CFAP74: variants seen among roughly 807,000 people sequenced by gnomAD.
CFAP74 encodes the protein cilia- and flagella-associated protein 74.
CFAP74 carries 124 observed loss-of-function variants against 188.9 expected under a neutral mutation model. The ratio of observed to expected loss-of-function variants is 0.66; its 90% CI spans 0.57 to 0.76. CFAP74 has a LOEUF of 0.76. Ranked by LOEUF, CFAP74 falls within the 30% of genes least tolerant of loss-of-function variation. The pLI is 0.00. For missense variants in CFAP74, 2,198 were observed against 2,165.2 expected (o/e 1.02, Z -0.30); for synonymous variants, 956 against 916.7 (o/e 1.04, Z -0.77).
chr1:1,992,204 G>A (rs1657626922), intron 1 of CFAP74, among the ~76,000 whole-genome samples: 1 of 152,096 alleles, frequency 6.6e-6, no homozygotes, highest in Non-Finnish European at 1.5e-5. Context: ...TCACTCTGTT[G>A]CCCAGGCTGG....
intron 18 of CFAP74, chr1:1,955,080 C>CAGCTCACACCGGAAGTGA (rs1654475490): frequency 1.3e-6 from 1 of 757,544 alleles, no homozygotes; most frequent in Non-Finnish European, 1.7e-6. Context: ...ACCGGAAGTG[C>CAGCTCACACCGGAAGTGA]GGCTCACACA....
At chr1:1,987,773 C>T (rs1570983178) in intron 4 of CFAP74, among the ~76,000 whole-genome samples, 1 of 152,290 alleles carries the variant, frequency 6.6e-6, no homozygotes, top group East Asian at 1.9e-4. Flanking sequence ...AACTCCTGAC[C>T]TCGTGATCCA....
intron 18 of CFAP74, among the ~76,000 whole-genome samples, chr1:1,952,950 A>G (rs1654294726): frequency 6.6e-6 from 1 of 152,116 alleles, no homozygotes; most frequent in Non-Finnish European, 1.5e-5. Flanking sequence ...GAGCTGCTGC[A>G]CCCAGCCTCA....
intron 22 of CFAP74, among the ~76,000 whole-genome samples, 174 bp from the exon 23 acceptor site, chr1:1,940,577 C>A (rs935920861): frequency 6.6e-6 from 1 of 152,242 alleles, no homozygotes; most frequent in Non-Finnish European, 1.5e-5. Flanking sequence ...CCCACGAGCA[C>A]GTGGCCCCTG....
At position 1,922,353 on chromosome 1, in the gene CFAP74, C is replaced by G. The variant is rs771081002; in HGVS notation, c.4854G>C (p.Gln1618His). ...AGGTCTCCTTCACATCCCCCCTTAGCTGCAGCAGGGCCGACACCATGAGTG... is the reference window on the plus strand; with the variant it reads ...AGGTCTCCTTCACATCCCCCCTTAGGTGCAGCAGGGCCGACACCATGAGTG... ...DHPLMVSALL[Q>H]LRGDVKETYK... The change falls in exon 39 of 39, where the codon CAG becomes CAC. Residue 1618 changes from glutamine to histidine, a missense_variant. Physicochemically the swap from Gln to His is conservative, Grantham distance 24 (BLOSUM62 0). Coordinates refer to ENST00000682832, the MANE Select transcript of CFAP74 (RefSeq NM_001304360.2). 17 of 1,601,564 alleles carry G rather than the reference C, an allele frequency of 1.1e-5. No individual in the cohort carries two copies. Among genetic ancestry groups the G allele is most frequent in the East Asian group, 4.5e-5 (2 of 44,840 alleles).
In CFAP74 at chr1:1,968,705, C is replaced by T; in HGVS notation, c.1175G>A (p.Arg392Lys). The change falls in exon 11 of 39, where the codon AGG (arginine) becomes AAG (lysine). Residue 392 changes from arginine to lysine, a missense_variant. By Grantham distance (26) the Arg-to-Lys change is conservative. Transcript: ENST00000682832. The surrounding 1 kb of genome is among the most constrained non-coding windows in gnomAD (Gnocchi z 4.3). ...PTSARHRLTL[R>K]DKTWNYISDF... ...AGAAATGTAGTTCCAGGTCTTGTCC[C>T]TCAGGGTCAGCCGGTGCCTGGCACT... The T allele has an allele frequency of 6.2e-7, 1 of 1,614,148 alleles. No individual in the cohort carries two copies. The highest frequency in any genetic ancestry group is 1.1e-5 in the South Asian group (1 of 91,076).
chr1:1,924,356 CGCAGCTCACCACCCACCCCCCA>C lies in CFAP74; in HGVS notation c.4234+13_4234+34del. The C allele has an allele frequency of 1.0e-4, 64 of 610,492 alleles. No homozygotes were observed. The highest frequency in any genetic ancestry group is 1.4e-4 in the Non-Finnish European group (61 of 424,912). The allele number at this position is 610,492 out of a possible 1,614,324, so 37.8% of individuals were successfully genotyped here. On this transcript the variant is annotated intron_variant, in intron 34 of 38. Coordinates refer to ENST00000682832, the MANE Select transcript of CFAP74 (RefSeq NM_001304360.2). Reference sequence around the variant, plus strand: ...ACTCCCCCAGCTCACCGCCCACCCCCGCAGCTCACCACCCACCCCCCACCCCCCGCTCACCGACCACCTCCGT... The same window carrying C: ...ACTCCCCCAGCTCACCGCCCACCCCCCCCCCCGCTCACCGACCACCTCCGT...
chr1:1,971,299 T>G (rs1021444134), intron 9 of CFAP74, among the ~76,000 whole-genome samples: 2 of 132,714 alleles, frequency 1.5e-5, no homozygotes, highest in Non-Finnish European at 3.2e-5. Context: ...ACATACACGC[T>G]CACACATGCA....
chr1:1,999,084 G>C (rs1658070695), intron 1 of CFAP74, among the ~76,000 whole-genome samples: 1 of 152,142 alleles, frequency 6.6e-6, no homozygotes. Context: ...AACTCGTCTG[G>C]TGAATTTTAA....
At chr1:1,985,231 C>T in intron 6 of CFAP74, 155 bp downstream of exon 6, 1 of 618,406 alleles carries the variant, frequency 1.6e-6, no homozygotes, top group East Asian at 2.7e-5. Context: ...ACTAACCCTT[C>T]CAACCACTGC....
intron 13 of CFAP74, 120 bp downstream of exon 13, chr1:1,964,768 C>T (rs1294539092): frequency 6.6e-6 from 7 of 1,064,012 alleles, no homozygotes; most frequent in African/African-American, 1.6e-5. Flanking sequence ...CCAGCCTGGG[C>T]GACAGAGTGA....
chr1:1,963,801 A>G lies in CFAP74; in HGVS notation c.1642T>C (p.Tyr548His). The change falls in exon 14 of 39, where the codon TAC becomes CAC. Residue 548 changes from tyrosine (Y) to histidine (H), a missense_variant. Coordinates refer to ENST00000682832, the MANE Select transcript of CFAP74 (RefSeq NM_001304360.2). ...TLVNTTYTINYCKLVGVEEHL... is the reference protein window; with the variant it reads ...TLVNTTYTINHCKLVGVEEHL... The stretch of plus-strand genomic sequence containing the variant: ...TCCTCCACGCCCACCAGCTTGCAGT[A>G]GTTGATCGTGTAGGTGGTGTTTACC... The G allele has an allele frequency of 6.2e-7, 1 of 1,613,996 alleles. No homozygotes were observed. The highest frequency in any genetic ancestry group is 8.5e-7 in the Non-Finnish European group (1 of 1,179,964).
chr1:1,941,817 C>T (rs1235059272), intron 22 of CFAP74, among the ~76,000 whole-genome samples: 1 of 152,198 alleles, frequency 6.6e-6, no homozygotes, highest in Admixed American at 6.5e-5. Flanking sequence ...AACTTCAACT[C>T]GGCTCACATC....
chr1:1,932,591 T>C (rs1043218892), intron 25 of CFAP74, among the ~76,000 whole-genome samples: 3 of 151,282 alleles, frequency 2.0e-5, no homozygotes, highest in Non-Finnish European at 4.4e-5. Context: ...TTTTTTTCTT[T>C]CTTTTTTTCT....
chr1:1,951,935 G>A (rs1437115124), intron 18 of CFAP74, among the ~76,000 whole-genome samples: 1 of 152,198 alleles, frequency 6.6e-6, no homozygotes, highest in African/African-American at 2.4e-5. Context: ...GGCTGAAAGA[G>A]CATCGGTGAG....
rs1370329467 is a variant in CFAP74, at chr1:1,923,810, A to C, written c.4354T>G (p.Phe1452Val). The C allele has an allele frequency of 1.2e-6, 2 of 1,613,518 alleles. No homozygotes were observed. The highest frequency in any genetic ancestry group is 1.7e-6 in the Non-Finnish European group (2 of 1,179,866). The stretch of plus-strand genomic sequence containing the variant: ...AGCACCACCTGGAGCTTGTCGGAGA[A>C]GTAGAGGCTTTCGTGGTCGGGGCTG... ...TFSPDHESLY[F>V]SDKLQVVLFE... Residue 1452 changes from phenylalanine (F) to valine (V), a missense_variant, in exon 35 of 39, where the codon TTC (phenylalanine) becomes GTC (valine). By Grantham distance (50) the Phe-to-Val change is conservative. Coordinates refer to ENST00000682832, the MANE Select transcript of CFAP74 (RefSeq NM_001304360.2). The surrounding 1 kb of genome is among the most constrained non-coding windows in gnomAD (Gnocchi z 6.3).
chr1:2,002,721 ATAT>A (rs917922545), intron 1 of CFAP74, among the ~76,000 whole-genome samples: 2 of 150,266 alleles, frequency 1.3e-5, no homozygotes, highest in African/African-American at 2.4e-5. Context: ...AGTTTAATAT[ATAT>A]TATTAAACTT....
chr1:1,924,381 C>G lies in CFAP74; in HGVS notation c.4234+10G>C. The G allele has an allele frequency of 1.5e-6, 1 of 684,720 alleles. No homozygotes were observed. The highest frequency in any genetic ancestry group is 1.7e-5 in the South Asian group (1 of 58,738). 42.4% of individuals were successfully genotyped at this position (684,720 alleles called of 1,614,324 possible). On this transcript the variant is annotated intron_variant, in intron 34 of 38. Coordinates refer to ENST00000682832, the MANE Select transcript of CFAP74 (RefSeq NM_001304360.2). ...CGCAGCTCACCACCCACCCCCCACCCCCCGCTCACCGACCACCTCCGTCCT... is the reference window on the plus strand; with the variant it reads ...CGCAGCTCACCACCCACCCCCCACCGCCCGCTCACCGACCACCTCCGTCCT...
chr1:1,968,177 T>C lies in CFAP74; in HGVS notation c.1245+458A>G, dbSNP rs1465949540. ...AGTGAGTGAACGAATAAAGGATGAGTGAGTGAATGAATGAGTGATAGGAAA... is the reference window on the plus strand; with the variant it reads ...AGTGAGTGAACGAATAAAGGATGAGCGAGTGAATGAATGAGTGATAGGAAA... On this transcript the variant is annotated intron_variant, in intron 11 of 38. Coordinates refer to ENST00000682832, the MANE Select transcript of CFAP74 (RefSeq NM_001304360.2). The surrounding 1 kb of genome is among the most constrained non-coding windows in gnomAD (Gnocchi z 4.3). Among the ~76,000 whole-genome samples the C allele has an allele frequency of 6.6e-6, 1 of 150,796 alleles. No homozygotes were observed. The highest frequency in any genetic ancestry group is 2.0e-4 in the East Asian group (1 of 5,120).
Sources: allele counts gnomAD v4.1 joint callset (sites outside exome capture counted in the v4.1 genomes callset), GRCh38; gene constraint gnomAD v4.1.1; non-coding constraint Gnocchi (gnomAD v3.1); transcripts MANE v1.5; gene names NCBI Gene and HGNC (gene_info 2026-07-23, HGNC 2026-07-21).